Variants in SOX6 observed in about 807,000 individuals in gnomAD.
SOX6 encodes the protein SRY-box transcription factor 6.
Under a neutral mutation model 97.8 loss-of-function variants are expected in SOX6, and 11 were observed. That is an observed-to-expected ratio of 0.11 (90% CI 0.07 to 0.19). The LOEUF (loss-of-function observed/expected upper bound fraction) is 0.19, where lower values mean the gene tolerates loss of function less well. Among genes scored for constraint, SOX6 ranks in the 10% least tolerant of loss-of-function variants. The probability of loss-of-function intolerance (pLI) is 1.00; values close to 1 mark genes in which losing one functional copy is unlikely to be tolerated. For synonymous variants in SOX6, 360 were observed against 371.4 expected (o/e 0.97, Z 0.35); for missense variants, 810 against 1,039.5 (o/e 0.78, Z 3.04).
intron 4 of SOX6, among the ~76,000 whole-genome samples, chr11:16,519,161 A>G (rs1379204278): frequency 1.3e-5 from 2 of 152,200 alleles, no homozygotes; most frequent in Admixed American, 6.5e-5. Flanking sequence ...GAAGAAAAAA[A>G]CATAAATGAA....
At chr11:16,689,726 T>C (rs1160812161) in intron 3 of SOX6, among the ~76,000 whole-genome samples, 1 of 152,230 alleles carries the variant, frequency 6.6e-6, no homozygotes, top group East Asian at 1.9e-4. Context: ...AATGCTTTGC[T>C]TTTAAGTACA....
At chr11:16,695,639 T>A (rs527571791) in intron 3 of SOX6, among the ~76,000 whole-genome samples, 2 of 152,170 alleles carry the variant, frequency 1.3e-5, no homozygotes, top group African/African-American at 4.8e-5. Flanking sequence ...TAAGAACACA[T>A]GTGATATCTT....
intron 3 of SOX6, among the ~76,000 whole-genome samples, chr11:16,668,924 AC>A (rs1331028113): frequency 1.3e-5 from 2 of 152,358 alleles, no homozygotes; most frequent in Non-Finnish European, 2.9e-5. Context: ...AGAGAAATAG[AC>A]CCCAATACAA....
At chr11:16,730,057 A>G (rs1307870768) in intron 2 of SOX6, among the ~76,000 whole-genome samples, 2 of 143,610 alleles carry the variant, frequency 1.4e-5, no homozygotes, top group Non-Finnish European at 3.0e-5. Flanking sequence ...TATCCTAAAT[A>G]TATATGCACC....
intron 1 of SOX6, among the ~76,000 whole-genome samples, chr11:16,459,116 T>C (rs1859870240): frequency 6.6e-6 from 1 of 151,896 alleles, no homozygotes; most frequent in South Asian, 2.1e-4. Context: ...CCAGAGCTCA[T>C]CCAAGGCCAG....
Position 16,020,091 on chromosome 11 carries a change from C to T in SOX6, c.1624-5041G>A, listed in dbSNP as rs773036555. 2.0e-5 allele frequency among the ~76,000 whole-genome samples: 3 copies of T among 152,184 alleles called. 1 individual carries two copies. Among genetic ancestry groups the T allele is most frequent in the African/African-American group, 4.8e-5 (2 of 41,456 alleles). On this transcript the variant is annotated intron_variant, in intron 12 of 15. Transcript: ENST00000683767. The stretch of plus-strand genomic sequence containing the variant: ...TAAACTGAAAGTAAAGACTCCCCTG[C>T]AAAAGCAGCTTTCTCTTTACCCAGC...
intron 3 of SOX6, among the ~76,000 whole-genome samples, chr11:16,683,723 A>T (rs1395786494): frequency 6.6e-6 from 1 of 152,222 alleles, no homozygotes; most frequent in Non-Finnish European, 1.5e-5. Context: ...ACAAAAGCCA[A>T]AATTGACAAA....
chr11:16,245,084 C>T (rs1260884921), intron 3 of SOX6, among the ~76,000 whole-genome samples: 4 of 151,656 alleles, frequency 2.6e-5, no homozygotes, highest in Non-Finnish European at 5.9e-5. Flanking sequence ...ATATAAATTT[C>T]CTTCTAAGTA....
At chr11:16,123,832 T>C (rs1191390641) in intron 6 of SOX6, among the ~76,000 whole-genome samples, 1 of 152,044 alleles carries the variant, frequency 6.6e-6, no homozygotes, top group African/African-American at 2.4e-5. Flanking sequence ...ATAACTTAGA[T>C]ACAAAAAAGA....
intron 9 of SOX6, among the ~76,000 whole-genome samples, chr11:16,075,491 T>A: frequency 6.6e-6 from 1 of 151,948 alleles, no homozygotes; most frequent in East Asian, 1.9e-4. Flanking sequence ...AAAGGATGAG[T>A]TCACATTCTT....
intron 3 of SOX6, among the ~76,000 whole-genome samples, chr11:16,616,317 T>A (rs2133985858): frequency 6.6e-6 from 1 of 152,242 alleles, no homozygotes; most frequent in Middle Eastern, 3.4e-3. Context: ...TTACTAGTCT[T>A]TAAAAATTTG....
intron 4 of SOX6, among the ~76,000 whole-genome samples, chr11:16,496,027 G>C (rs1389328019): frequency 6.6e-6 from 1 of 152,080 alleles, no homozygotes; most frequent in Non-Finnish European, 1.5e-5. Context: ...CATGTACCCA[G>C]GATCAAAGCC....
intron 4 of SOX6, among the ~76,000 whole-genome samples, chr11:16,563,905 G>A (rs1274404880): frequency 6.6e-6 from 1 of 152,234 alleles, no homozygotes; most frequent in Middle Eastern, 3.4e-3. Context: ...TTCAAATGAC[G>A]CAGATTTCTC....
At chr11:16,132,306 GGAAGGAA>G (rs1849772310) in intron 6 of SOX6, among the ~76,000 whole-genome samples, 6 of 112,110 alleles carry the variant, frequency 5.4e-5, no homozygotes, top group Non-Finnish European at 8.9e-5. Context: ...AAGGAAGGAA[GGAAGGAA>G]GGAAGGAAGG....
At chr11:16,438,375 T>C (rs1859428805) in intron 1 of SOX6, among the ~76,000 whole-genome samples, 1 of 152,136 alleles carries the variant, frequency 6.6e-6, no homozygotes, top group South Asian at 2.1e-4. Context: ...TTGGGCGATA[T>C]TTACCTCTTT....
intron 4 of SOX6, among the ~76,000 whole-genome samples, chr11:16,230,169 A>G (rs961789443): frequency 6.6e-6 from 1 of 151,904 alleles, no homozygotes; most frequent in African/African-American, 2.4e-5. Flanking sequence ...ATATCTTTAA[A>G]TGAAAAAGGA....
intron 3 of SOX6, among the ~76,000 whole-genome samples, chr11:16,637,585 C>T (rs1848809657): frequency 1.3e-5 from 2 of 152,070 alleles, no homozygotes; most frequent in Admixed American, 1.3e-4. Flanking sequence ...TAGTTAGATC[C>T]CAAAAACACT....
At chr11:16,229,407 G>A (rs1370977665) in intron 4 of SOX6, among the ~76,000 whole-genome samples, 1 of 151,856 alleles carries the variant, frequency 6.6e-6, no homozygotes, top group Non-Finnish European at 1.5e-5. Context: ...AAGAATAACA[G>A]GAAAGGAGAG....
intron 4 of SOX6, among the ~76,000 whole-genome samples, chr11:16,515,293 G>C (rs555596700): frequency 6.6e-6 from 1 of 151,914 alleles, no homozygotes; most frequent in South Asian, 2.1e-4. Context: ...TTCTCTGATG[G>C]CCAGTGATTA....
Sources: allele counts gnomAD v4.1 joint callset (sites outside exome capture counted in the v4.1 genomes callset), GRCh38; gene constraint gnomAD v4.1.1; transcripts MANE v1.5; gene names NCBI Gene and HGNC (gene_info 2026-07-23, HGNC 2026-07-21).